Variants in HAUS4 observed in about 807,000 individuals in gnomAD.
HAUS4 encodes HAUS augmin like complex subunit 4.
Under a neutral mutation model 50.6 loss-of-function variants are expected in HAUS4, and 34 were observed. The ratio of observed to expected loss-of-function variants is 0.67; its 90% CI spans 0.51 to 0.90. HAUS4 has a LOEUF of 0.90. HAUS4 is among the 40% of genes least tolerant of loss of function. The pLI is 0.00. For missense variants in HAUS4, 370 were observed against 428.7 expected (o/e 0.86, Z 1.21); for synonymous variants, 149 against 161.4 (o/e 0.92, Z 0.58).
rs1286090750 is a variant in HAUS4 at position 22,957,090 on chromosome 14, G to A, written c.-197C>T. 4 of 152,720 alleles carry A rather than the reference G, an allele frequency of 2.6e-5. No individual in the cohort carries two copies. The highest frequency in any genetic ancestry group is 9.6e-5 in the African/African-American group (4 of 41,466). 9.5% of individuals were successfully genotyped at this position (152,720 alleles called of 1,614,324 possible). On this transcript the variant is annotated 5_prime_UTR_variant, in exon 1 of 10. Transcript: ENST00000541587. ...GAGGCCCGGAAAGACCAAGCTGAAAGGCCCGGGAAGGGGAAGGAGCCGAAA... is the reference window on the plus strand; with the variant it reads ...GAGGCCCGGAAAGACCAAGCTGAAAAGCCCGGGAAGGGGAAGGAGCCGAAA...
intron 1 of HAUS4, among the ~76,000 whole-genome samples, chr14:22,956,552 G>A (rs983707374): frequency 1.3e-5 from 2 of 152,070 alleles, no homozygotes; most frequent in Non-Finnish European, 2.9e-5. Flanking sequence ...CTTCTTAAAG[G>A]TTACAGGGCG....
At chr14:22,949,089 G>A (rs12883621) in intron 6 of HAUS4, among the ~76,000 whole-genome samples, 4 of 150,546 alleles carry the variant, frequency 2.7e-5, no homozygotes, top group Non-Finnish European at 5.9e-5. Context: ...CCTCGGAGGC[G>A]AAGGTTGCAG....
In HAUS4 at chr14:22,947,883, A is replaced by G; in HGVS notation, c.693T>C (p.Ser231=). The change falls in exon 7 of 10, where the codon AGT becomes AGC. Residue 231 remains serine (S), a synonymous_variant. Transcript: ENST00000541587. ...KEQMLLLEKK[S]AAYSQVLLRC... is the part of the protein sequence containing the mutation. ...CCTGATAAACCTGGGAGTAAGCAGC[A>G]CTCTTCTTCTCCAGCAGCAACATCT... 1 of 1,613,492 alleles carries G rather than the reference A, an allele frequency of 6.2e-7. No homozygotes were observed.
rs2044659170 is a variant in HAUS4 at position 22,947,206 on chromosome 14, G to A, written c.873C>T (p.Tyr291=). The A allele has an allele frequency of 6.2e-7, 1 of 1,609,276 alleles. No individual in the cohort carries two copies. The highest frequency in any genetic ancestry group is 8.5e-7 in the Non-Finnish European group (1 of 1,175,558). The part of the protein sequence containing the change: ...MEELKILSDT[Y]TVEKVEVHRL... ...GATGAACTTCCACTTTCTCAACAGT[G>A]TAAGTGTCGGACAAAATCTTTAGCT... The change falls in exon 9 of 10, where the codon TAC becomes TAT. Residue 291 remains tyrosine, a synonymous_variant. Transcript: ENST00000541587.
At chr14:22,955,047 G>A in intron 2 of HAUS4, 53 bp downstream of exon 2, 5 of 1,302,706 alleles carry the variant, frequency 3.8e-6, no homozygotes, top group Non-Finnish European at 5.6e-6. Flanking sequence ...CAAGAACCTG[G>A]ATAAGACCTC....
intron 5 of HAUS4, among the ~76,000 whole-genome samples, chr14:22,950,628 T>G (rs1333460630): frequency 2.0e-5 from 3 of 152,142 alleles, no homozygotes; most frequent in African/African-American, 4.8e-5. Flanking sequence ...GCCCTGAAAA[T>G]ACCTTTCTGG....
chr14:22,951,330 G>A (rs181133743), intron 5 of HAUS4, among the ~76,000 whole-genome samples: 4 of 151,960 alleles, frequency 2.6e-5, no homozygotes, highest in Admixed American at 2.0e-4. Flanking sequence ...AAGCATGAAG[G>A]GTATAATACC....
chr14:22,947,526 A>C, intron 8 of HAUS4, 75 bp downstream of exon 8: 21 of 1,503,698 alleles, frequency 1.4e-5, no homozygotes, highest in Non-Finnish European at 1.8e-5. Flanking sequence ...GGGAGAGGAA[A>C]GAGATTAGGG....
In HAUS4 at chr14:22,947,125, G is replaced by A. The variant is rs745461408; in HGVS notation, c.908+46C>T. 8 of 1,227,500 alleles carry A rather than the reference G, an allele frequency of 6.5e-6. No homozygotes were observed. In the African/African-American group the frequency reaches 8.9e-5, roughly 14 times the overall value. 76.0% of individuals were successfully genotyped at this position (1,227,500 alleles called of 1,614,324 possible). A position where few individuals can be genotyped will look rare whatever the true frequency, so the allele number is the denominator to read the frequency against. On this transcript the variant is annotated intron_variant, in intron 9 of 9. Transcript: ENST00000541587. ...TTAAATAAACGAGTTTAGGGAATGTGAGAACCACCTGTGAACAGCTGTACC... is the reference window on the plus strand; with the variant it reads ...TTAAATAAACGAGTTTAGGGAATGTAAGAACCACCTGTGAACAGCTGTACC...
At chr14:22,949,296 A>G (rs2044705094) in intron 6 of HAUS4, among the ~76,000 whole-genome samples, 1 of 151,658 alleles carries the variant, frequency 6.6e-6, no homozygotes, top group Non-Finnish European at 1.5e-5. Flanking sequence ...TTGGGAGGCC[A>G]AGGTGGGTAG....
At chr14:22,947,110 G>A (rs935475127) in intron 9 of HAUS4, 61 bp downstream of exon 9, 48 of 1,088,962 alleles carry the variant, frequency 4.4e-5, no homozygotes, top group African/African-American at 9.2e-5. Flanking sequence ...TTAAATAAAC[G>A]AGTTTAGGGA....
chr14:22,951,901 T>C (rs377032918), intron 4 of HAUS4, among the ~76,000 whole-genome samples: 2 of 152,204 alleles, frequency 1.3e-5, no homozygotes, highest in East Asian at 1.9e-4. Flanking sequence ...CTACAGTCCA[T>C]TTCTCTTTTG....
rs752651818 is a variant in HAUS4 at position 22,952,382 on chromosome 14, A to G, written c.276T>C (p.Leu92=). The G allele has an allele frequency of 1.9e-5, 31 of 1,613,970 alleles. No individual in the cohort carries two copies. The highest frequency in any genetic ancestry group is 2.6e-5 in the Non-Finnish European group (31 of 1,179,978). ...EILHRVIQEL[L]VDYYVKIQDT... ...CTTGTATCTTCACATAGTAGTCCAC[A>G]AGCAACTCTTGAATGACTCTGTGTA... Residue 92 remains leucine, a synonymous_variant, in exon 4 of 10, where the codon CTT becomes CTC. Coordinates refer to ENST00000541587, the MANE Select transcript of HAUS4 (RefSeq NM_001166269.2).
intron 6 of HAUS4, among the ~76,000 whole-genome samples, chr14:22,948,926 G>A (rs2044696529): frequency 6.6e-6 from 1 of 151,770 alleles, no homozygotes. Flanking sequence ...AGGCCAAGGC[G>A]GGCAGATCAC....
rs761951329 is a variant in HAUS4 at position 22,946,718 on chromosome 14, C to T, written c.909-10G>A. The T allele has an allele frequency of 2.5e-6, 4 of 1,593,554 alleles. No individual in the cohort carries two copies. The highest frequency in any genetic ancestry group is 3.4e-6 in the Non-Finnish European group (4 of 1,169,550). ...TCCCTCCAAACGGTCCCTAAGAGCC[C>T]GGGCAGAGAAGGCACAATATAAGGG... On this transcript the variant is annotated splice_polypyrimidine_tract_variant and intron_variant, in intron 9 of 9. Transcript: ENST00000541587.
Position 22,956,494 on chromosome 14 carries a change from C to T in HAUS4, c.-23+422G>A, listed in dbSNP as rs188190888. ...TCCAAAAAGCTAGCTGTTCGTCCCC[C>T]CCTAGGGTAAGTGTCCCCTTGCGTT... is the stretch of plus-strand genomic sequence containing the variant. On this transcript the variant is annotated intron_variant, in intron 1 of 9. Coordinates refer to ENST00000541587, the MANE Select transcript of HAUS4 (RefSeq NM_001166269.2). 3.8e-3 allele frequency among the ~76,000 whole-genome samples: 571 copies of T among 151,822 alleles called. 3 individuals are homozygous for T. The highest frequency in any genetic ancestry group is 0.02 in the Middle Eastern group (6 of 294).
intron 9 of HAUS4, 74 bp from the exon 10 acceptor site, chr14:22,946,782 T>C: frequency 1.9e-5 from 3 of 156,662 alleles, no homozygotes; most frequent in African/African-American, 4.5e-5. Context: ...AATGAAAAAC[T>C]TTTTTTTTTT....
rs779971090 is a variant in HAUS4 at position 22,948,460 on chromosome 14, G to GC, written c.563-448_563-447insG. ...GTTTTTAAAAAAAAAAAAGCGGGGG[G>GC]GGGGAGGGCATCTGGTTCTCATAAT... On this transcript the variant is annotated intron_variant, in intron 6 of 9. Transcript: ENST00000541587. Among the ~76,000 whole-genome samples the GC allele has an allele frequency of 1.1e-4, 15 of 139,620 alleles. 1 individual carries two copies. Among genetic ancestry groups the GC allele is most frequent in the East Asian group, 7.1e-4 (3 of 4,250 alleles). 91.6% of individuals were successfully genotyped at this position (139,620 alleles called of 152,430 possible).
chr14:22,949,611 G>T (rs1240613621), intron 6 of HAUS4, among the ~76,000 whole-genome samples: 1 of 150,998 alleles, frequency 6.6e-6, no homozygotes, highest in Non-Finnish European at 1.5e-5. Flanking sequence ...ACAGAAGCAA[G>T]TAAAAGCTGA....
Sources: gnomAD v4.1 joint callset for allele counts (sites outside exome capture counted in the v4.1 genomes callset) on GRCh38, gnomAD v4.1.1 for gene constraint, MANE v1.5 for transcripts, NCBI Gene and HGNC (gene_info 2026-07-23, HGNC 2026-07-21) for gene names.